IL36B: variants seen among roughly 807,000 people sequenced by gnomAD.
IL36B encodes the protein interleukin 36 beta.
In IL36B, 23 loss-of-function variants were observed where a neutral mutation model predicts 19.3. The observed-to-expected ratio is 1.19, with a 90% confidence interval of 0.86 to 1.69. IL36B has a LOEUF of 1.69. Ranked by LOEUF, IL36B falls within the 40% of genes most tolerant of loss-of-function variation. The pLI is 0.00. For synonymous variants in IL36B, 59 were observed against 59.7 expected (o/e 0.99, Z 0.05); for missense variants, 217 against 200.5 (o/e 1.08, Z -0.50).
intron 1 of IL36B, among the ~76,000 whole-genome samples, chr2:113,040,997 A>T (rs1044748778): frequency 2.0e-5 from 3 of 152,184 alleles, no homozygotes; most frequent in African/African-American, 7.2e-5. Context: ...CTCTAAAAAA[A>T]CACAAAGATT....
chr2:113,026,173 G>C lies in IL36B; in HGVS notation c.321C>G (p.His107Gln). 1 of 1,613,944 alleles carries C rather than the reference G, an allele frequency of 6.2e-7. No individual in the cohort carries two copies. The highest frequency in any genetic ancestry group is 8.5e-7 in the Non-Finnish European group (1 of 1,179,856). ...CTCTCACATCCAGGTTTATGCATGT[G>C]TGAATTCCAACTAGTTTCCAGCAAG... The change falls in exon 5 of 6, where the codon CAC becomes CAG. Residue 107 changes from histidine to glutamine, a missense_variant. By Grantham distance (24) the His-to-Gln change is conservative. Coordinates refer to ENST00000259213, the MANE Select transcript of IL36B (RefSeq NM_014438.5).
intron 4 of IL36B, 61 bp from the exon 5 acceptor site, chr2:113,028,176 A>G (rs1196072974): frequency 2.2e-6 from 3 of 1,353,298 alleles, no homozygotes; most frequent in Non-Finnish European, 3.2e-6. Flanking sequence ...AAAGTAACTC[A>G]GCTCTGAGTG....
chr2:113,035,496 T>A (rs1419200261), intron 1 of IL36B, among the ~76,000 whole-genome samples: 4 of 151,418 alleles, frequency 2.6e-5, no homozygotes, highest in African/African-American at 9.7e-5. Flanking sequence ...CTTGAGAAGC[T>A]CTTCTGAAAA....
intron 1 of IL36B, 24 bp downstream of exon 1, chr2:113,052,793 G>A (rs1685471105): frequency 2.0e-5 from 3 of 152,280 alleles, no homozygotes; most frequent in East Asian, 1.9e-4. Flanking sequence ...CCTTTGCCGT[G>A]TTCTTAATGT....
rs535364282 is a variant in IL36B, at chr2:113,052,580, A to G, written c.-58+237T>C. 8.5e-5 allele frequency among the ~76,000 whole-genome samples: 13 copies of G among 152,340 alleles called. 2 individuals are homozygous for G. The East Asian group carries it at 1.5e-3, about 18-fold the overall frequency. On this transcript the variant is annotated intron_variant, in intron 1 of 5. Transcript: ENST00000259213. ...ACATAATAGCTATATTGCTTTTATC[A>G]CTGTACCTGACAGAGTGAATGTGTA...
chr2:113,047,009 A>G (rs1685362038), intron 1 of IL36B, among the ~76,000 whole-genome samples: 2 of 151,518 alleles, frequency 1.3e-5, no homozygotes, highest in South Asian at 4.1e-4. Context: ...AGTCTGTCTT[A>G]TTTATTTATT....
At position 113,025,974 on chromosome 2, in the gene IL36B, A is replaced by G; in HGVS notation, c.391+129T>C. 2.1e-6 allele frequency: 3 copies of G among 1,409,134 alleles called. No individual in the cohort carries two copies. The Admixed American group carries it at 7.3e-5, about 34-fold the overall frequency. 87.3% of individuals were successfully genotyped at this position (1,409,134 alleles called of 1,614,324 possible). Reference sequence around the variant, plus strand: ...AGTGAGAGAAGTCAATTCAGGATGTATTCTTGAACTTAGACCTGCCATGGG... The same window carrying G: ...AGTGAGAGAAGTCAATTCAGGATGTGTTCTTGAACTTAGACCTGCCATGGG... On this transcript the variant is annotated intron_variant, in intron 5 of 5. Transcript: ENST00000259213.
intron 1 of IL36B, among the ~76,000 whole-genome samples, chr2:113,035,667 C>T (rs1358395194): frequency 1.3e-5 from 2 of 151,928 alleles, no homozygotes; most frequent in African/African-American, 2.4e-5. Flanking sequence ...ATGTTTATAC[C>T]TAGATGACTT....
chr2:113,031,288 T>C, intron 2 of IL36B, 133 bp from the exon 3 acceptor site: 1 of 672,618 alleles, frequency 1.5e-6, no homozygotes, highest in Non-Finnish European at 2.7e-6. Context: ...GCTATAACGA[T>C]AAATGGAGGG....
In IL36B at chr2:113,043,594, C is replaced by G. The variant is rs768805820; in HGVS notation, c.-58+9223G>C. On this transcript the variant is annotated intron_variant, in intron 1 of 5. Coordinates refer to ENST00000259213, the MANE Select transcript of IL36B (RefSeq NM_014438.5). ...TTGTTGTTTTTAAGACAGAGTCTTG[C>G]TCTGTCGCCCAGGCTGGAGTGCATG... 8.5e-4 allele frequency among the ~76,000 whole-genome samples: 130 copies of G among 152,260 alleles called. 1 individual carries two copies. The highest frequency in any genetic ancestry group is 3.1e-3 in the African/African-American group (129 of 41,552).
intron 2 of IL36B, 92 bp downstream of exon 2, chr2:113,031,605 A>G (rs1018874556): frequency 5.3e-6 from 6 of 1,124,588 alleles, no homozygotes; most frequent in Middle Eastern, 5.7e-4. Flanking sequence ...ATACATTTAT[A>G]GCTTAGCAAA....
intron 3 of IL36B, 38 bp from the exon 4 acceptor site, chr2:113,029,116 C>A: frequency 1.3e-6 from 2 of 1,597,698 alleles, no homozygotes; most frequent in South Asian, 1.1e-5. Context: ...ATGTTTCAGT[C>A]TTTCTGGTCT....
At chr2:113,024,433 C>T (rs1684916553) in intron 5 of IL36B, among the ~76,000 whole-genome samples, 1 of 152,172 alleles carries the variant, frequency 6.6e-6, no homozygotes, top group Non-Finnish European at 1.5e-5. Context: ...AATTAGCCTA[C>T]CTCCTTGCAA....
chr2:113,034,264 G>GT (rs1685128221), intron 1 of IL36B, among the ~76,000 whole-genome samples: 1 of 152,116 alleles, frequency 6.6e-6, no homozygotes, highest in African/African-American at 2.4e-5. Flanking sequence ...CCTGCAGGGA[G>GT]TTTTTCCTGT....
chr2:113,050,793 CGAG>C (rs779898343), intron 1 of IL36B, among the ~76,000 whole-genome samples: 5 of 152,192 alleles, frequency 3.3e-5, no homozygotes, highest in African/African-American at 4.8e-5. Flanking sequence ...CTGAGAAAGC[CGAG>C]GAGAGCTGGG....
chr2:113,026,307 G>A (rs1684960824), intron 4 of IL36B: 31 of 1,589,884 alleles, frequency 1.9e-5, no homozygotes, highest in Non-Finnish European at 2.5e-5. Context: ...TGGTTGCACG[G>A]CAATGACTGG....
rs530890568 is a variant in IL36B at position 113,041,402 on chromosome 2, T to A, written c.-57-9636A>T. Among the ~76,000 whole-genome samples, 7 of 152,162 alleles carry A rather than the reference T, an allele frequency of 4.6e-5. No individual in the cohort carries two copies. In the East Asian group the frequency reaches 1.4e-3, roughly 29 times the overall value. ...GAACAATTAGATATCCATGAGAAAA[T>A]ATGAATCTCAAACCCTACCTCACAC... On this transcript the variant is annotated intron_variant, in intron 1 of 5. Transcript: ENST00000259213.
chr2:113,043,796 C>T (rs10210878), intron 1 of IL36B, among the ~76,000 whole-genome samples: 73,493 of 152,026 alleles, frequency 0.48, 18,257 homozygotes, highest in East Asian at 0.69. Context: ...TCAGGTGATC[C>T]GCCCACCTAG....
intron 3 of IL36B, 126 bp from the exon 4 acceptor site, chr2:113,029,204 C>T: frequency 1.1e-6 from 1 of 915,702 alleles, no homozygotes; most frequent in Non-Finnish European, 1.6e-6. Context: ...CCCTCCATCA[C>T]CCTCCTCAAA....
Sources: allele counts gnomAD v4.1 joint callset (sites outside exome capture counted in the v4.1 genomes callset), GRCh38; gene constraint gnomAD v4.1.1; transcripts MANE v1.5; gene names NCBI Gene and HGNC (gene_info 2026-07-23, HGNC 2026-07-21).